TCERG1L: variants seen among roughly 807,000 people sequenced by gnomAD.
TCERG1L encodes transcription elongation regulator 1 like.
TCERG1L carries 37 observed loss-of-function variants against 56.3 expected under a neutral mutation model. The observed-to-expected ratio is 0.66, with a 90% CI of 0.51 to 0.87. TCERG1L has a LOEUF of 0.87. Ranked by LOEUF, TCERG1L falls within the 40% of genes least tolerant of loss-of-function variation. The pLI is 0.00. For synonymous variants in TCERG1L, 324 were observed against 326.3 expected (o/e 0.99, Z 0.08); for missense variants, 799 against 774.2 (o/e 1.03, Z -0.38).
intron 3 of TCERG1L, among the ~76,000 whole-genome samples, chr10:131,264,511 G>T (rs1180316873): frequency 1.3e-5 from 2 of 152,210 alleles, no homozygotes; most frequent in South Asian, 4.1e-4. Flanking sequence ...GATACTTTGG[G>T]CCTGACCTGA....
rs1032020768 is a variant in TCERG1L, at chr10:131,278,837, T to A, written c.671-18393A>T. On this transcript the variant is annotated intron_variant, in intron 3 of 11. Transcript: ENST00000368642. Reference sequence around the variant, plus strand: ...AAGGAGGAAGTGCTCCTCCCTCCCATGGGAGCTCTCCTGGGCTCATGGGGC... The same window carrying A: ...AAGGAGGAAGTGCTCCTCCCTCCCAAGGGAGCTCTCCTGGGCTCATGGGGC... 2.0e-5 allele frequency among the ~76,000 whole-genome samples: 3 copies of A among 152,140 alleles called. No homozygotes were observed. The South Asian group carries it at 6.2e-4, about 32-fold the overall frequency.
chr10:131,158,139 G>A (rs939794314), intron 6 of TCERG1L, among the ~76,000 whole-genome samples: 3 of 152,346 alleles, frequency 2.0e-5, no homozygotes, highest in East Asian at 1.9e-4. Flanking sequence ...CCGCCCGTCC[G>A]CTGCCGGCAT....
intron 7 of TCERG1L, among the ~76,000 whole-genome samples, chr10:131,142,182 G>C (rs1845745930): frequency 6.6e-6 from 1 of 152,240 alleles, no homozygotes; most frequent in East Asian, 1.9e-4. Flanking sequence ...TGATACGAAG[G>C]CCAGGATTTC....
intron 4 of TCERG1L, among the ~76,000 whole-genome samples, chr10:131,228,010 G>A: frequency 7.0e-6 from 1 of 143,160 alleles, no homozygotes; most frequent in Admixed American, 7.2e-5. Context: ...CTTGGACTCT[G>A]TCCTCCTTGC....
intron 4 of TCERG1L, among the ~76,000 whole-genome samples, chr10:131,209,797 A>G (rs945880022): frequency 6.6e-6 from 1 of 152,344 alleles, no homozygotes; most frequent in Admixed American, 6.5e-5. Context: ...CTAAATAAAT[A>G]TAGCTATTTA....
chr10:131,109,298 G>A (rs1173809232), intron 9 of TCERG1L, among the ~76,000 whole-genome samples: 5 of 152,188 alleles, frequency 3.3e-5, no homozygotes, highest in East Asian at 1.9e-4. Flanking sequence ...TCCTCACCCC[G>A]CTGTACATCG....
intron 4 of TCERG1L, among the ~76,000 whole-genome samples, chr10:131,216,417 T>C (rs1316514013): frequency 3.3e-5 from 5 of 152,202 alleles, no homozygotes; most frequent in African/African-American, 1.2e-4. Flanking sequence ...GCCTTCAGTT[T>C]GGACAATATC....
chr10:131,168,622 C>T (rs536277531), intron 4 of TCERG1L, among the ~76,000 whole-genome samples: 3 of 152,366 alleles, frequency 2.0e-5, no homozygotes, highest in East Asian at 3.9e-4. Context: ...TCCCCTCCAT[C>T]CAGTGAGCGG....
At chr10:131,148,295 CACACAA>C (rs1199471020) in intron 6 of TCERG1L, among the ~76,000 whole-genome samples, 2 of 152,136 alleles carry the variant, frequency 1.3e-5, no homozygotes, top group Admixed American at 1.3e-4. Flanking sequence ...AGAGGTGTTT[CACACAA>C]ACACACTCTC....
At chr10:131,138,095 C>G (rs1206406806) in intron 7 of TCERG1L, among the ~76,000 whole-genome samples, 1 of 152,116 alleles carries the variant, frequency 6.6e-6, no homozygotes, top group East Asian at 1.9e-4. Flanking sequence ...ATGGTGAAAC[C>G]CCGTCTCTAC....
chr10:131,268,748 C>A (rs1035543971), intron 3 of TCERG1L, among the ~76,000 whole-genome samples: 3 of 152,358 alleles, frequency 2.0e-5, no homozygotes, highest in South Asian at 4.1e-4. Context: ...AAACCTCATG[C>A]ATCACCTCTG....
chr10:131,233,233 A>T (rs1845871661), intron 4 of TCERG1L, among the ~76,000 whole-genome samples: 1 of 152,202 alleles, frequency 6.6e-6, no homozygotes, highest in Non-Finnish European at 1.5e-5. Context: ...GGAGTGAGAG[A>T]GAGTGGGAGG....
At chr10:131,237,624 G>C (rs1374066931) in intron 4 of TCERG1L, among the ~76,000 whole-genome samples, 2 of 152,188 alleles carry the variant, frequency 1.3e-5, no homozygotes, top group Non-Finnish European at 2.9e-5. Context: ...TATTAAAAGA[G>C]TGCTAATGAT....
At chr10:131,159,788 G>A (rs1845957781) in intron 6 of TCERG1L, among the ~76,000 whole-genome samples, 4 of 152,138 alleles carry the variant, frequency 2.6e-5, no homozygotes, top group Admixed American at 2.6e-4. Flanking sequence ...CCATTAGTGA[G>A]GATGTCACAT....
intron 4 of TCERG1L, among the ~76,000 whole-genome samples, chr10:131,216,518 C>T (rs1323908398): frequency 6.6e-6 from 1 of 152,188 alleles, no homozygotes; most frequent in East Asian, 1.9e-4. Context: ...ACATCTCATC[C>T]TTACGTATTA....
At chr10:131,247,414 C>G (rs1846051725) in intron 4 of TCERG1L, among the ~76,000 whole-genome samples, 1 of 152,192 alleles carries the variant, frequency 6.6e-6, no homozygotes, top group Admixed American at 6.5e-5. Context: ...CTACCAGCCC[C>G]AGGCTGGGTT....
At chr10:131,256,178 T>TA (rs1392662606) in intron 4 of TCERG1L, among the ~76,000 whole-genome samples, 2 of 152,162 alleles carry the variant, frequency 1.3e-5, no homozygotes, top group African/African-American at 4.8e-5. Flanking sequence ...CTGGATGATT[T>TA]AAAAAAAGAC....
At chr10:131,181,573 G>A (rs1052531129) in intron 4 of TCERG1L, among the ~76,000 whole-genome samples, 3 of 152,262 alleles carry the variant, frequency 2.0e-5, no homozygotes, top group Admixed American at 2.0e-4. Flanking sequence ...GCTCATGGAA[G>A]TAGATTCTAA....
chr10:131,110,307 C>G (rs1479730373), intron 9 of TCERG1L, among the ~76,000 whole-genome samples: 1 of 152,332 alleles, frequency 6.6e-6, no homozygotes, highest in South Asian at 2.1e-4. Context: ...TCCTCCCTGC[C>G]GTGTCACCTC....
Sources: gnomAD v4.1 joint callset for allele counts (sites outside exome capture counted in the v4.1 genomes callset) on GRCh38, gnomAD v4.1.1 for gene constraint, MANE v1.5 for transcripts, NCBI Gene and HGNC (gene_info 2026-07-23, HGNC 2026-07-21) for gene names.